Variants in HS3ST4 observed in about 807,000 individuals in gnomAD.
HS3ST4 encodes the protein heparan sulfate glucosamine 3-O-sulfotransferase 4.
Under a neutral mutation model 29.2 loss-of-function variants are expected in HS3ST4, and 17 were observed. The ratio of observed to expected loss-of-function variants is 0.58; its 90% CI spans 0.40 to 0.87. The LOEUF is 0.87. HS3ST4 is among the 40% of genes least tolerant of loss of function. The probability of loss-of-function intolerance (pLI) is 0.00; values close to 1 mark genes in which losing one functional copy is unlikely to be tolerated. For synonymous variants in HS3ST4, 314 were observed against 285.7 expected (o/e 1.10, Z -1.00); for missense variants, 627 against 634.5 (o/e 0.99, Z 0.13).
chr16:25,822,443 G>A (rs998688284), intron 1 of HS3ST4, among the ~76,000 whole-genome samples: 18 of 152,060 alleles, frequency 1.2e-4, no homozygotes, highest in Admixed American at 9.2e-4. Flanking sequence ...ACAAATATTC[G>A]GTCAGACCAT....
intron 1 of HS3ST4, among the ~76,000 whole-genome samples, chr16:25,801,830 T>C (rs1469986929): frequency 6.6e-6 from 1 of 152,156 alleles, no homozygotes; most frequent in Non-Finnish European, 1.5e-5. Context: ...TATAATTTTG[T>C]TGCTTTTTTT....
chr16:25,782,020 C>T (rs1053151957), intron 1 of HS3ST4, among the ~76,000 whole-genome samples: 11 of 152,156 alleles, frequency 7.2e-5, no homozygotes, highest in African/African-American at 2.7e-4. Context: ...AATTGGCTTA[C>T]AGTTCAGCAT....
At chr16:25,780,572 G>A (rs575183711) in intron 1 of HS3ST4, among the ~76,000 whole-genome samples, 1 of 152,278 alleles carries the variant, frequency 6.6e-6, no homozygotes, top group African/African-American at 2.4e-5. Context: ...TTGGCATAGT[G>A]GCTTGAAATC....
chr16:26,043,372 G>A (rs1317454719), intron 1 of HS3ST4, among the ~76,000 whole-genome samples: 1 of 152,152 alleles, frequency 6.6e-6, no homozygotes, highest in African/African-American at 2.4e-5. Context: ...TCTCCTCTCT[G>A]GTAGAGTTAT....
At chr16:25,714,928 T>C (rs2141586580) in intron 1 of HS3ST4, among the ~76,000 whole-genome samples, 1 of 152,362 alleles carries the variant, frequency 6.6e-6, no homozygotes, top group African/African-American at 2.4e-5. Context: ...TTTAAAATTC[T>C]GGATGCCTTT....
At chr16:25,693,227 C>T (rs1454057652) in intron 1 of HS3ST4, 76 bp downstream of exon 1, 15 of 1,426,922 alleles carry the variant, frequency 1.1e-5, no homozygotes, top group Non-Finnish European at 1.4e-5. Context: ...TTTCCACGCC[C>T]TTCGAGCATC....
At chr16:25,838,997 A>AG (rs1355080669) in intron 1 of HS3ST4, among the ~76,000 whole-genome samples, 2 of 152,194 alleles carry the variant, frequency 1.3e-5, no homozygotes, top group Non-Finnish European at 2.9e-5. Context: ...TGGCAGGTTT[A>AG]GGGACCTCTT....
intron 1 of HS3ST4, among the ~76,000 whole-genome samples, chr16:26,077,260 T>C: frequency 6.6e-6 from 1 of 152,220 alleles, no homozygotes; most frequent in East Asian, 1.9e-4. Context: ...CATAAAACCA[T>C]TCTCCTACAT....
At chr16:25,982,509 A>G (rs8043635) in intron 1 of HS3ST4, among the ~76,000 whole-genome samples, 4,424 of 152,246 alleles carry the variant, frequency 0.029, 203 homozygotes, top group African/African-American at 0.1. Context: ...ATAAAATAGA[A>G]CAGACCATGG....
intron 1 of HS3ST4, among the ~76,000 whole-genome samples, chr16:26,026,099 G>A (rs1407275320): frequency 6.6e-6 from 1 of 152,056 alleles, no homozygotes; most frequent in Non-Finnish European, 1.5e-5. Flanking sequence ...AGTACAGACA[G>A]GGTTTTACCA....
At chr16:25,744,307 T>C (rs1966672467) in intron 1 of HS3ST4, among the ~76,000 whole-genome samples, 1 of 152,202 alleles carries the variant, frequency 6.6e-6, no homozygotes, top group Non-Finnish European at 1.5e-5. Flanking sequence ...ACCTTCATTT[T>C]TTAATGGGTC....
chr16:25,810,135 G>A (rs1967028102), intron 1 of HS3ST4, among the ~76,000 whole-genome samples: 1 of 150,374 alleles, frequency 6.7e-6, no homozygotes, highest in Admixed American at 6.6e-5. Flanking sequence ...TACTACTTTA[G>A]CAGCATCTAA....
At chr16:26,026,218 C>T (rs974164831) in intron 1 of HS3ST4, among the ~76,000 whole-genome samples, 3 of 152,256 alleles carry the variant, frequency 2.0e-5, no homozygotes, top group Admixed American at 1.3e-4. Context: ...GAAACAACAT[C>T]GTTTTTGAGA....
At chr16:25,945,203 T>G (rs1366755712) in intron 1 of HS3ST4, among the ~76,000 whole-genome samples, 2 of 152,198 alleles carry the variant, frequency 1.3e-5, no homozygotes, top group African/African-American at 2.4e-5. Context: ...ATTATTATTG[T>G]GCATATTGTA....
intron 1 of HS3ST4, among the ~76,000 whole-genome samples, chr16:26,033,267 G>C (rs1394218614): frequency 2.0e-5 from 3 of 152,080 alleles, no homozygotes; most frequent in Admixed American, 6.5e-5. Flanking sequence ...TGTAATCCCA[G>C]CATTTTGGGA....
intron 1 of HS3ST4, among the ~76,000 whole-genome samples, chr16:26,037,949 T>A (rs1969598092): frequency 6.6e-6 from 1 of 152,158 alleles, no homozygotes; most frequent in African/African-American, 2.4e-5. Context: ...TTTCAAAGCA[T>A]ATAACAGATC....
intron 1 of HS3ST4, among the ~76,000 whole-genome samples, chr16:25,835,350 C>A (rs1265765207): frequency 6.6e-6 from 1 of 152,152 alleles, no homozygotes; most frequent in Non-Finnish European, 1.5e-5. Context: ...TGTGCATGAG[C>A]CAGAGGGCAG....
chr16:25,969,479 T>A (rs1265596176), intron 1 of HS3ST4, among the ~76,000 whole-genome samples: 1 of 152,198 alleles, frequency 6.6e-6, no homozygotes, highest in Non-Finnish European at 1.5e-5. Context: ...CAGTCTGAAG[T>A]GTGCGTATAA....
At chr16:25,993,988 GTGTGTGTGTGTGTGTGT>G (rs1567289555) in intron 1 of HS3ST4, among the ~76,000 whole-genome samples, 2 of 149,434 alleles carry the variant, frequency 1.3e-5, no homozygotes, top group Non-Finnish European at 1.5e-5. Flanking sequence ...GTGTGTGTGT[GTGTGTGTGTGTGTGTGT>G]GTGGTGGAGA....
Sources: allele counts gnomAD v4.1 joint callset (sites outside exome capture counted in the v4.1 genomes callset), GRCh38; gene constraint gnomAD v4.1.1; transcripts MANE v1.5; gene names NCBI Gene and HGNC (gene_info 2026-07-23, HGNC 2026-07-21).